TAFA1: variants seen among roughly 807,000 people sequenced by gnomAD.
TAFA1 encodes the protein chemokine-like protein TAFA-1.
A neutral mutation model predicts 18.5 loss-of-function variants in TAFA1; 4 were observed. The observed-to-expected ratio is 0.22, with a 90% CI of 0.11 to 0.49. TAFA1 has a LOEUF of 0.49. TAFA1 is among the 20% of genes least tolerant of loss of function. TAFA1 has a pLI of 0.98. For synonymous variants in TAFA1, 56 were observed against 55.2 expected (o/e 1.01, Z -0.06); for missense variants, 147 against 169.0 (o/e 0.87, Z 0.72).
chr3:68,434,784 C>G (rs180941624), intron 3 of TAFA1, among the ~76,000 whole-genome samples: 15 of 152,216 alleles, frequency 9.9e-5, no homozygotes, highest in Admixed American at 5.9e-4. Context: ...GTGTCTAAAA[C>G]TAGTCATTTT....
At chr3:68,327,428 G>A (rs1256963387) in intron 2 of TAFA1, among the ~76,000 whole-genome samples, 1 of 152,106 alleles carries the variant, frequency 6.6e-6, no homozygotes, top group Non-Finnish European at 1.5e-5. Context: ...TAAAATGGTT[G>A]TATAACTGAG....
At position 68,192,500 on chromosome 3, in the gene TAFA1, A is replaced by T. The variant is rs79982386; in HGVS notation, c.118+185756A>T. 1,708 of 193,066 alleles carry T rather than the reference A, an allele frequency of 8.8e-3. 34 individuals are homozygous for T. The highest frequency in any genetic ancestry group is 0.037 in the African/African-American group (1,556 of 42,370). The allele number at this position is 193,066 out of a possible 1,614,324, so 12.0% of individuals were successfully genotyped here. On this transcript the variant is annotated intron_variant, in intron 2 of 4. Transcript: ENST00000478136. ...CATTATGATGTGCCTTCATCATCCC[A>T]TTGAATGGAATCTGAATTTGACAGG...
chr3:68,265,090 T>C (rs1269225133), intron 2 of TAFA1, among the ~76,000 whole-genome samples: 1 of 152,236 alleles, frequency 6.6e-6, no homozygotes, highest in Non-Finnish European at 1.5e-5. Context: ...ATGTGTTCAA[T>C]TTAGTATCAT....
At chr3:68,053,766 C>T (rs1421874207) in intron 2 of TAFA1, among the ~76,000 whole-genome samples, 1 of 152,106 alleles carries the variant, frequency 6.6e-6, no homozygotes, top group Non-Finnish European at 1.5e-5. Context: ...TGTAGTGATG[C>T]AATCATAGCT....
intron 2 of TAFA1, among the ~76,000 whole-genome samples, chr3:68,390,540 A>AC (rs1287045922): frequency 2.0e-5 from 3 of 152,004 alleles, no homozygotes; most frequent in Non-Finnish European, 4.4e-5. Context: ...TGGGTTCCTG[A>AC]CCCCCATGCC....
chr3:68,376,700 G>A (rs1183625382), intron 2 of TAFA1, among the ~76,000 whole-genome samples: 1 of 152,154 alleles, frequency 6.6e-6, no homozygotes, highest in East Asian at 1.9e-4. Context: ...ATTGGGAATA[G>A]TGCTGCAATG....
At chr3:68,260,864 G>C (rs1450928162) in intron 2 of TAFA1, among the ~76,000 whole-genome samples, 1 of 152,040 alleles carries the variant, frequency 6.6e-6, no homozygotes, top group Non-Finnish European at 1.5e-5. Flanking sequence ...GCATGGGCAA[G>C]GACTTCATGT....
chr3:68,405,534 A>G (rs1251526575), intron 2 of TAFA1, among the ~76,000 whole-genome samples: 2 of 150,276 alleles, frequency 1.3e-5, no homozygotes, highest in Non-Finnish European at 3.0e-5. Flanking sequence ...ATCTCTACAA[A>G]AATACAAATC....
At chr3:68,367,815 G>A (rs1251056139) in intron 2 of TAFA1, among the ~76,000 whole-genome samples, 2 of 151,852 alleles carry the variant, frequency 1.3e-5, no homozygotes, top group Non-Finnish European at 2.9e-5. Flanking sequence ...TTGAGAAGTG[G>A]GATATAAAAG....
chr3:68,277,198 C>A (rs1371745635), intron 2 of TAFA1, among the ~76,000 whole-genome samples: 2 of 152,074 alleles, frequency 1.3e-5, no homozygotes, highest in South Asian at 2.1e-4. Flanking sequence ...AGAATCATAC[C>A]AGGACACCTA....
At chr3:68,084,833 A>C (rs997732820) in intron 2 of TAFA1, among the ~76,000 whole-genome samples, 1 of 151,918 alleles carries the variant, frequency 6.6e-6, no homozygotes, top group Non-Finnish European at 1.5e-5. Context: ...CAAATAACAA[A>C]AAGTAGCCCC....
intron 2 of TAFA1, among the ~76,000 whole-genome samples, chr3:68,222,039 C>G (rs1339607839): frequency 1.3e-5 from 2 of 152,150 alleles, no homozygotes; most frequent in African/African-American, 4.8e-5. Context: ...CAAAAATCCT[C>G]TAACTTTTTC....
chr3:68,103,980 C>G (rs1410338988), intron 2 of TAFA1, among the ~76,000 whole-genome samples: 2 of 152,086 alleles, frequency 1.3e-5, no homozygotes, highest in Non-Finnish European at 2.9e-5. Context: ...CTTAAGTTTC[C>G]CACTTTATTT....
chr3:68,259,465 T>G (rs1052351803), intron 2 of TAFA1, among the ~76,000 whole-genome samples: 3 of 152,200 alleles, frequency 2.0e-5, no homozygotes, highest in African/African-American at 7.2e-5. Context: ...TTTTTCCAAT[T>G]ATGTGAAGAA....
At chr3:68,434,982 T>A (rs536580689) in intron 3 of TAFA1, among the ~76,000 whole-genome samples, 1 of 152,282 alleles carries the variant, frequency 6.6e-6, no homozygotes, top group East Asian at 1.9e-4. Flanking sequence ...ACATGATTTC[T>A]GCTTCAATGA....
intron 2 of TAFA1, among the ~76,000 whole-genome samples, chr3:68,009,182 A>G (rs936763917): frequency 6.6e-6 from 1 of 152,146 alleles, no homozygotes; most frequent in Non-Finnish European, 1.5e-5. Context: ...TATACTACCA[A>G]TGCTATGTGT....
At chr3:68,321,083 A>G (rs889800162) in intron 2 of TAFA1, among the ~76,000 whole-genome samples, 1 of 152,198 alleles carries the variant, frequency 6.6e-6, no homozygotes, top group Non-Finnish European at 1.5e-5. Context: ...CCTCTTGCCA[A>G]CTGTGTTATG....
At chr3:68,455,631 G>A (rs190530056) in intron 3 of TAFA1, among the ~76,000 whole-genome samples, 66 of 151,950 alleles carry the variant, frequency 4.3e-4, no homozygotes, top group Middle Eastern at 3.4e-3. Flanking sequence ...TTCAAGATCC[G>A]TATCCTAAAA....
chr3:68,192,369 C>T (rs752023943), intron 2 of TAFA1: 1 of 160,260 alleles, frequency 6.2e-6, no homozygotes, highest in Non-Finnish European at 1.4e-5. Flanking sequence ...ACCTGGCCTC[C>T]ATGTCTCCAT....
Sources: allele counts gnomAD v4.1 joint callset (sites outside exome capture counted in the v4.1 genomes callset), GRCh38; gene constraint gnomAD v4.1.1; transcripts MANE v1.5; gene names NCBI Gene and HGNC (gene_info 2026-07-23, HGNC 2026-07-21).